The following SENP7 variants were observed in gnomAD, a reference collection of about 807,000 sequenced individuals.
SENP7 encodes the protein sentrin-specific protease 7.
A neutral mutation model predicts 141.2 loss-of-function variants in SENP7; 64 were observed. The ratio of observed to expected loss-of-function variants is 0.45; its 90% CI spans 0.37 to 0.56. SENP7 has a LOEUF of 0.56. SENP7 is among the 20% of genes least tolerant of loss of function. SENP7 has a pLI of 0.00. For synonymous variants in SENP7, 382 were observed against 426.4 expected (o/e 0.90, Z 1.28); for missense variants, 1,025 against 1,212.2 (o/e 0.85, Z 2.29).
intron 9 of SENP7, among the ~76,000 whole-genome samples, chr3:101,365,490 G>T (rs2107381143): frequency 6.6e-6 from 1 of 151,366 alleles, no homozygotes; most frequent in East Asian, 2.0e-4. Flanking sequence ...ACAAAAATTA[G>T]CCGGGCATGG....
chr3:101,482,566 AG>A (rs1337750965), intron 3 of SENP7, among the ~76,000 whole-genome samples: 1 of 152,196 alleles, frequency 6.6e-6, no homozygotes, highest in Non-Finnish European at 1.5e-5. Flanking sequence ...CAAACTGACT[AG>A]AAAGTTTATA....
chr3:101,497,587 T>C (rs1019908204), intron 2 of SENP7, among the ~76,000 whole-genome samples: 1 of 152,032 alleles, frequency 6.6e-6, no homozygotes, highest in Admixed American at 6.5e-5. Flanking sequence ...CTGGAATACT[T>C]TGACCAACAA....
At position 101,372,076 on chromosome 3, in the gene SENP7, G is replaced by A. The variant is rs199792314; in HGVS notation, c.728C>T (p.Ala243Val). ...TVDDNSAKQT[A>V]HNKEKRRKDD... is the part of the protein sequence containing the mutation. ...CTTTCTTCGTTTTTCTTTATTGTGCGCAGTCTGCTTTGCAGAATTGTCATC... is the reference window on the plus strand; with the variant it reads ...CTTTCTTCGTTTTTCTTTATTGTGCACAGTCTGCTTTGCAGAATTGTCATC... Residue 243 changes from alanine (A) to valine (V), a missense_variant, in exon 7 of 24, where the codon GCG (alanine) becomes GTG (valine). This residue lies in a region of SENP7 where 496 missense variants were observed against 503.5 expected (regional missense o/e 0.99). Transcript: ENST00000394095. 2.1e-5 allele frequency: 33 copies of A among 1,567,892 alleles called. No homozygotes were observed. Among genetic ancestry groups the A allele is most frequent in the Middle Eastern group, 1.7e-4 (1 of 5,846 alleles).
chr3:101,451,483 G>A (rs1031780814), intron 4 of SENP7, among the ~76,000 whole-genome samples: 2 of 152,240 alleles, frequency 1.3e-5, no homozygotes, highest in African/African-American at 2.4e-5. Context: ...CTGGCAAACC[G>A]AATCCAGCAG....
intron 5 of SENP7, among the ~76,000 whole-genome samples, chr3:101,406,083 G>C (rs919169551): frequency 1.3e-5 from 2 of 151,960 alleles, no homozygotes; most frequent in African/African-American, 4.8e-5. Flanking sequence ...CCCATTACTG[G>C]GTATATACCC....
chr3:101,361,685 C>T, intron 11 of SENP7, 30 bp downstream of exon 11: 1 of 1,501,954 alleles, frequency 6.7e-7, no homozygotes, highest in Non-Finnish European at 8.8e-7. Flanking sequence ...AAGATCCAAA[C>T]TAAAAGAAAA....
chr3:101,453,148 A>G (rs534236917), intron 4 of SENP7, among the ~76,000 whole-genome samples: 28 of 152,350 alleles, frequency 1.8e-4, no homozygotes, highest in African/African-American at 5.8e-4. Flanking sequence ...GAGAAATGCA[A>G]ATCAAAACCA....
intron 6 of SENP7, among the ~76,000 whole-genome samples, chr3:101,383,103 C>T (rs2060550393): frequency 6.6e-6 from 1 of 152,164 alleles, no homozygotes; most frequent in South Asian, 2.1e-4. Context: ...TATCCCCATG[C>T]TAGAGGTGAG....
chr3:101,424,209 A>G (rs991696486), intron 4 of SENP7, among the ~76,000 whole-genome samples: 1 of 151,816 alleles, frequency 6.6e-6, no homozygotes, highest in Non-Finnish European at 1.5e-5. Flanking sequence ...TCACTGGGGG[A>G]CCTGCCTAAC....
chr3:101,508,110 A>G (rs943859284), intron 1 of SENP7, among the ~76,000 whole-genome samples: 5 of 151,466 alleles, frequency 3.3e-5, no homozygotes, highest in Non-Finnish European at 7.4e-5. Flanking sequence ...ACTGCCATCT[A>G]CTGACCCAAG....
upstream of SENP7, chr3:101,513,212 GGAA>G (rs55843564): frequency 0.086 from 11,658 of 135,262 alleles, 1,644 homozygotes; most frequent in Admixed American, 0.2. Context: ...GGAGGGGAAA[GGAA>G]AAAAAAAAAA....
chr3:101,510,062 T>C (rs575475047), intron 1 of SENP7, among the ~76,000 whole-genome samples: 2 of 152,364 alleles, frequency 1.3e-5, no homozygotes, highest in South Asian at 4.1e-4. Flanking sequence ...TCAAATTTAC[T>C]TGACGTTTCC....
At chr3:101,450,940 A>C (rs975522076) in intron 4 of SENP7, among the ~76,000 whole-genome samples, 3 of 152,186 alleles carry the variant, frequency 2.0e-5, no homozygotes, top group African/African-American at 7.2e-5. Flanking sequence ...GGTTTTTTGA[A>C]AAGATCAACA....
rs2059599327 is a variant in SENP7 at position 101,351,020 on chromosome 3, T to C, written c.1657+598A>G. 7.2e-5 allele frequency among the ~76,000 whole-genome samples: 11 copies of C among 152,006 alleles called. 1 individual carries two copies. Among genetic ancestry groups the C allele is most frequent in the Admixed American group, 7.2e-4 (11 of 15,256 alleles). Reference sequence around the variant, plus strand: ...CATCTCCAATCTTGGAACAGAAGCCTCTTCTTCTCTAATTCCTATCTATGC... The same window carrying C: ...CATCTCCAATCTTGGAACAGAAGCCCCTTCTTCTCTAATTCCTATCTATGC... On this transcript the variant is annotated intron_variant, in intron 12 of 23. Transcript: ENST00000394095.
chr3:101,356,674 G>A (rs910342839), intron 11 of SENP7, among the ~76,000 whole-genome samples: 9 of 151,326 alleles, frequency 5.9e-5, no homozygotes, highest in South Asian at 2.1e-4. Context: ...TTACTGCATC[G>A]GCAAAAATAT....
chr3:101,432,370 T>C (rs2062214282), intron 4 of SENP7, among the ~76,000 whole-genome samples: 1 of 152,198 alleles, frequency 6.6e-6, no homozygotes, highest in African/African-American at 2.4e-5. Flanking sequence ...GATCTTGCCA[T>C]CCTGAAGGGA....
intron 4 of SENP7, among the ~76,000 whole-genome samples, chr3:101,420,688 CT>C (rs1468677695): frequency 3.9e-5 from 6 of 152,168 alleles, no homozygotes; most frequent in African/African-American, 1.4e-4. Context: ...ATGTTACCCC[CT>C]GATATGTGCA....
intron 6 of SENP7, among the ~76,000 whole-genome samples, chr3:101,378,112 A>G (rs1214211809): frequency 2.0e-5 from 3 of 151,328 alleles, no homozygotes; most frequent in African/African-American, 7.3e-5. Flanking sequence ...CTAAAGGTCT[A>G]TTTACAGTAG....
chr3:101,417,715 G>A lies in SENP7; in HGVS notation c.360C>T (p.Asn120=), dbSNP rs762676650. The A allele has an allele frequency of 6.9e-5, 112 of 1,613,820 alleles. No homozygotes were observed. Among genetic ancestry groups the A allele is most frequent in the Middle Eastern group, 1.6e-4 (1 of 6,084 alleles). ...GRKFRKTLPR[N]DANLCDANKV... ...TGTTGGCATCACATAAATTAGCATC[G>A]TTTCTAGGTAGGGTCTTTCTGAATT... Residue 120 remains asparagine, a synonymous_variant, in exon 5 of 24, where the codon AAC becomes AAT. Coordinates refer to ENST00000394095, the MANE Select transcript of SENP7 (RefSeq NM_020654.5).
Sources: allele counts gnomAD v4.1 joint callset (sites outside exome capture counted in the v4.1 genomes callset), GRCh38; gene constraint gnomAD v4.1.1; regional missense constraint gnomAD v4.1.1; transcripts MANE v1.5; gene names NCBI Gene and HGNC (gene_info 2026-07-23, HGNC 2026-07-21).